The following ELOVL1 variants were observed in gnomAD, a reference collection of about 807,000 sequenced individuals.
ELOVL1 encodes the protein ELOVL fatty acid elongase 1, also known as very long chain fatty acid elongase 1.
A neutral mutation model predicts 37.8 loss-of-function variants in ELOVL1; 10 were observed. The observed-to-expected ratio is 0.26, with a 90% CI of 0.16 to 0.45. The LOEUF (loss-of-function observed/expected upper bound fraction) is 0.45, where lower values mean the gene tolerates loss of function less well. ELOVL1 is among the 20% of genes least tolerant of loss of function. ELOVL1 has a pLI of 1.00. For missense variants in ELOVL1, 256 were observed against 352.7 expected, an observed-to-expected ratio of 0.73 and a Z score of 2.20; for synonymous variants, 133 against 123.8, an observed-to-expected ratio of 1.07 and a Z score of -0.49.
At position 43,364,285 on chromosome 1, in the gene ELOVL1, G is replaced by GC. The variant is rs1557476376; in HGVS notation, c.618+38_618+39insG. ...AAGGCAGGATCCAGGCTAGGAATGT[G>GC]GGGGGATGGTTATAGGTAAGTCAGG... On this transcript the variant is annotated intron_variant, in intron 7 of 7. Coordinates refer to ENST00000372458, the MANE Select transcript of ELOVL1 (RefSeq NM_022821.4). This position sits in a 1 kb window ranked among gnomAD's most constrained non-coding sequence, Gnocchi z 5.2. The GC allele has an allele frequency of 6.2e-7, 1 of 1,613,606 alleles. No individual in the cohort carries two copies. The highest frequency in any genetic ancestry group is 8.5e-7 in the Non-Finnish European group (1 of 1,179,880).
Position 43,363,512 on chromosome 1 carries a change from G to T in ELOVL1, c.*404C>A, listed in dbSNP as rs1434818458. The T allele has an allele frequency of 8.0e-6, 3 of 374,942 alleles. No individual in the cohort carries two copies. The highest frequency in any genetic ancestry group is 9.8e-6 in the Non-Finnish European group (2 of 204,934). 23.2% of individuals were successfully genotyped at this position (374,942 alleles called of 1,614,324 possible). A position where few individuals can be genotyped will look rare whatever the true frequency, so the allele number is the denominator to read the frequency against. On this transcript the variant is annotated 3_prime_UTR_variant, in exon 8 of 8. Transcript: ENST00000372458. ...CTTTGGCCCAGAAGCTACTGCTTCA[G>T]TGTGTGGGGTGGAGGAGTGAGACTG...
At position 43,365,567 on chromosome 1, in the gene ELOVL1, C is replaced by T. The variant is rs753516275; in HGVS notation, c.43G>A (p.Ala15Thr). 4.3e-6 allele frequency: 7 copies of T among 1,614,010 alleles called. No individual in the cohort carries two copies. The highest frequency in any genetic ancestry group is 1.1e-5 in the South Asian group (1 of 91,084). ...GGGCTGGTGGATAGCGTCTTACCTG[C>T]GTGCTTCATCACCTCTTGGTACAAG... ...VNLYQEVMKH[A>T]DPRIQGYPLM... Residue 15 changes from alanine (A) to threonine (T), a missense_variant, in exon 2 of 8, where the codon GCA becomes ACA. Coordinates refer to ENST00000372458, the MANE Select transcript of ELOVL1 (RefSeq NM_022821.4).
In ELOVL1 at chr1:43,365,513, C is replaced by T. The variant is rs781442415; in HGVS notation, c.46+51G>A. Reference sequence around the variant, plus strand: ...TCTCCATTAGAAGACAGCCGTAGATCCAGGGATCCCGGGAAAGAAGGAAGG... The same window carrying T: ...TCTCCATTAGAAGACAGCCGTAGATTCAGGGATCCCGGGAAAGAAGGAAGG... On this transcript the variant is annotated intron_variant, in intron 2 of 7. Transcript: ENST00000372458. 1.9e-6 allele frequency: 3 copies of T among 1,613,662 alleles called. No individual in the cohort carries two copies. The South Asian group carries it at 3.3e-5, about 18-fold the overall frequency.
In ELOVL1 at chr1:43,364,345, C is replaced by T. The variant is rs1417699683; in HGVS notation, c.597G>A (p.Lys199=). 3 of 1,614,100 alleles carry T rather than the reference C, an allele frequency of 1.9e-6. No individual in the cohort carries two copies. Among genetic ancestry groups the T allele is most frequent in the Non-Finnish European group, 1.7e-6 (2 of 1,180,038 alleles). The change falls in exon 7 of 8, where the codon AAG becomes AAA. Residue 199 remains lysine (K), a synonymous_variant. Transcript: ENST00000372458. This position sits in a 1 kb window ranked among gnomAD's most constrained non-coding sequence, Gnocchi z 5.2. ...PVAQPYLWWK[K]HMTAIQLIQF... The stretch of plus-strand genomic sequence containing the variant: ...TCACCAGCTGAATGGCTGTCATGTG[C>T]TTTTTCCACCAAAGGTAGGGTTGTG...
At position 43,363,582 on chromosome 1, in the gene ELOVL1, A is replaced by G; in HGVS notation, c.*334T>C. On this transcript the variant is annotated 3_prime_UTR_variant, in exon 8 of 8. Transcript: ENST00000372458. ...GCTGACCTCTTCTGTGTGAGGAAAA[A>G]GGCCACGAGACCCTTTGTGGGGCCA... is the stretch of plus-strand genomic sequence containing the variant. 5.1e-6 allele frequency: 2 copies of G among 393,160 alleles called. No individual in the cohort carries two copies. Among genetic ancestry groups the G allele is most frequent in the Admixed American group, 4.2e-5 (1 of 23,820 alleles). 24.4% of individuals were successfully genotyped at this position (393,160 alleles called of 1,614,324 possible). A position where few individuals can be genotyped will look rare whatever the true frequency, so the allele number is the denominator to read the frequency against.
Position 43,364,789 on chromosome 1 carries a change from A to C in ELOVL1, c.324T>G (p.Val108=), listed in dbSNP as rs770049675. ...AGAAGAGGAAGAGCCAGGCCACCCG[A>C]ACCATCTGCAAGAAGTTGGGATAGC... is the stretch of plus-strand genomic sequence containing the variant. ...YSNSPEALRM[V]RVAWLFLFSK... The change falls in exon 5 of 8, where the codon GTT becomes GTG. Residue 108 remains valine, a synonymous_variant. Coordinates refer to ENST00000372458, the MANE Select transcript of ELOVL1 (RefSeq NM_022821.4). The surrounding 1 kb of genome is among the most constrained non-coding windows in gnomAD (Gnocchi z 5.2). 5.6e-6 allele frequency: 9 copies of C among 1,614,064 alleles called. No homozygotes were observed. The highest frequency in any genetic ancestry group is 6.8e-6 in the Non-Finnish European group (8 of 1,180,032).
At position 43,363,863 on chromosome 1, in the gene ELOVL1, C is replaced by T; in HGVS notation, c.*53G>A. On this transcript the variant is annotated 3_prime_UTR_variant, in exon 8 of 8. Transcript: ENST00000372458. ...TGGAGAGGGCACTGACGGACACTGC[C>T]CTAAGGTGCAGTCCTGAGGCACTTA... 4 of 1,533,300 alleles carry T rather than the reference C, an allele frequency of 2.6e-6. No homozygotes were observed. 95.0% of individuals were successfully genotyped at this position (1,533,300 alleles called of 1,614,324 possible).
chr1:43,364,543 C>T lies in ELOVL1; in HGVS notation c.480G>A (p.Pro160=), dbSNP rs539714929. ...WSWWWGVKIA[P]GGMGSFHAMI... ...CCCATAGTGGCCTTCACCACTCACC[C>T]GGGGCAATCTTTACCCCCCACCACC... Residue 160 remains proline (P), a splice_region_variant and synonymous_variant, in exon 6 of 8, where the codon CCG becomes CCA. Transcript: ENST00000372458. This position sits in a 1 kb window ranked among gnomAD's most constrained non-coding sequence, Gnocchi z 5.2. The T allele has an allele frequency of 7.4e-6, 12 of 1,613,938 alleles. No homozygotes were observed. Among genetic ancestry groups the T allele is most frequent in the South Asian group, 5.5e-5 (5 of 91,080 alleles).
intron 2 of ELOVL1, 34 bp from the exon 3 acceptor site, chr1:43,365,410 C>G (rs752149010): frequency 2.5e-6 from 4 of 1,609,404 alleles, no homozygotes; most frequent in Admixed American, 1.7e-5. Context: ...CAGGAAGAGT[C>G]ACAGGGTTCG....
At chr1:43,366,668 T>C (rs1484722391) in intron 1 of ELOVL1, 3 of 152,646 alleles carry the variant, frequency 2.0e-5, no homozygotes, top group Non-Finnish European at 2.9e-5. Context: ...CCATAACTGC[T>C]CAGTTTGTCC....
Position 43,364,062 on chromosome 1 carries a change from T to G in ELOVL1, c.694A>C (p.Ile232Leu). ...MSSCNYQYPV[I>L]IHLIWMYGTI... is the part of the protein sequence containing the mutation. ...CCATACATCCAGATGAGGTGAATAA[T>G]GACTGGGTACTGGTAGTTACAGCTG... Residue 232 changes from isoleucine to leucine, a missense_variant, in exon 8 of 8, where the codon ATT (isoleucine) becomes CTT (leucine). Coordinates refer to ENST00000372458, the MANE Select transcript of ELOVL1 (RefSeq NM_022821.4). This position sits in a 1 kb window ranked among gnomAD's most constrained non-coding sequence, Gnocchi z 5.2. 2.5e-6 allele frequency: 4 copies of G among 1,614,124 alleles called. No individual in the cohort carries two copies. The highest frequency in any genetic ancestry group is 3.4e-6 in the Non-Finnish European group (4 of 1,180,020).
At position 43,363,941 on chromosome 1, in the gene ELOVL1, C is replaced by A. The variant is rs1353196094; in HGVS notation, c.815G>T (p.Gly272Val). 6.2e-7 allele frequency: 1 copy of A among 1,613,582 alleles called. No homozygotes were observed. Among genetic ancestry groups the A allele is most frequent in the East Asian group, 2.2e-5 (1 of 44,892 alleles). ...PRALQQNGAPGIAKVKAN is the reference protein window; with the variant it reads ...PRALQQNGAPVIAKVKAN ...TCAGTTGGCCTTGACCTTGGCAATA[C>A]CTGGAGCTCCATTTTGCTGAAGTGC... Residue 272 changes from glycine (G) to valine (V), a missense_variant, in exon 8 of 8, where the codon GGT becomes GTT. Coordinates refer to ENST00000372458, the MANE Select transcript of ELOVL1 (RefSeq NM_022821.4).
At position 43,364,705 on chromosome 1, in the gene ELOVL1, C is replaced by T. The variant is rs1385815016; in HGVS notation, c.375+33G>A. ...CCTGGGCTTCTCCACCTCATTCTCC[C>T]CTCAAGTTCTCACATCTCATATAAC... On this transcript the variant is annotated intron_variant, in intron 5 of 7. Transcript: ENST00000372458. The surrounding 1 kb of genome is among the most constrained non-coding windows in gnomAD (Gnocchi z 5.2). 13 of 1,614,026 alleles carry T rather than the reference C, an allele frequency of 8.1e-6. No individual in the cohort carries two copies. Among genetic ancestry groups the T allele is most frequent in the Non-Finnish European group, 1.0e-5 (12 of 1,180,014 alleles).
chr1:43,365,670 C>A, intron 1 of ELOVL1, 47 bp from the exon 2 acceptor site: 1 of 1,572,978 alleles, frequency 6.4e-7, no homozygotes, highest in Non-Finnish European at 8.8e-7. Flanking sequence ...CACTGCACAC[C>A]CCCATCCCAC....
intron 1 of ELOVL1, among the ~76,000 whole-genome samples, 171 bp from the exon 2 acceptor site, chr1:43,365,794 G>A (rs1273352127): frequency 6.6e-6 from 1 of 152,006 alleles, no homozygotes; most frequent in Non-Finnish European, 1.5e-5. Context: ...TTTGGTTGAG[G>A]CATCTGCTCC....
At chr1:43,367,112 C>T (rs1647261813) in intron 1 of ELOVL1, 1 of 152,592 alleles carries the variant, frequency 6.6e-6, no homozygotes, top group Non-Finnish European at 1.5e-5. Flanking sequence ...CGGTCCACAC[C>T]CACCTCTCAC....
chr1:43,365,312 G>A lies in ELOVL1; in HGVS notation c.111C>T (p.Thr37=), dbSNP rs1228575488. ...CAAGTGAGAGAACGAAGTACACGTA[G>A]GTCAGGAGAATGGAGGTCATTAGCA... ...SPLLMTSILL[T]YVYFVLSLGP... is the part of the protein sequence containing the mutation. Residue 37 remains threonine, a synonymous_variant, in exon 3 of 8, where the codon ACC becomes ACT. Transcript: ENST00000372458. 2.5e-6 allele frequency: 4 copies of A among 1,614,016 alleles called. No individual in the cohort carries two copies. Among genetic ancestry groups the A allele is most frequent in the African/African-American group, 1.3e-5 (1 of 75,036 alleles).
Position 43,363,799 on chromosome 1 carries a change from C to G in ELOVL1, c.*117G>C. 2 of 949,112 alleles carry G rather than the reference C, an allele frequency of 2.1e-6. No individual in the cohort carries two copies. Among genetic ancestry groups the G allele is most frequent in the Non-Finnish European group, 3.3e-6 (2 of 612,532 alleles). 58.8% of individuals were successfully genotyped at this position (949,112 alleles called of 1,614,324 possible). A position where few individuals can be genotyped will look rare whatever the true frequency, so the allele number is the denominator to read the frequency against. ...TGGGGAGGGGAGGGCCAGTCCCCTG[C>G]TCAGTCCTGACCACATAAGCCTTGG... On this transcript the variant is annotated 3_prime_UTR_variant, in exon 8 of 8. Transcript: ENST00000372458.
chr1:43,365,526 G>A (rs1647218252), intron 2 of ELOVL1, 38 bp downstream of exon 2: 2 of 1,614,010 alleles, frequency 1.2e-6, no homozygotes, highest in Non-Finnish European at 8.5e-7. Flanking sequence ...GGGATCCCGG[G>A]AAAGAAGGAA....
Sources: gnomAD v4.1 joint callset for allele counts (sites outside exome capture counted in the v4.1 genomes callset) on GRCh38, gnomAD v4.1.1 for gene constraint, Gnocchi (gnomAD v3.1) non-coding constraint, MANE v1.5 for transcripts, NCBI Gene and HGNC (gene_info 2026-07-23, HGNC 2026-07-21) for gene names.